Variants in ARMH4 observed in about 807,000 individuals in gnomAD.
ARMH4 encodes armadillo like helical domain containing 4.
In ARMH4, 49 loss-of-function variants were observed where a neutral mutation model predicts 61.9. The ratio of observed to expected loss-of-function variants is 0.79; its 90% CI spans 0.63 to 1.00. ARMH4 has a LOEUF of 1.00. ARMH4 is among the 50% of genes least tolerant of loss of function. The pLI is 0.00. For synonymous variants in ARMH4, 368 were observed against 341.5 expected, an observed-to-expected ratio of 1.08 and a Z score of -0.85; for missense variants, 934 against 930.0, an observed-to-expected ratio of 1.00 and a Z score of -0.06.
chr14:58,081,434 A>G (rs1176954750), intron 5 of ARMH4, among the ~76,000 whole-genome samples: 1 of 152,180 alleles, frequency 6.6e-6, no homozygotes, highest in African/African-American at 2.4e-5. Flanking sequence ...AGTTGAATAT[A>G]AACTTGTAAA....
At chr14:58,050,757 G>A (rs1403833562) in intron 5 of ARMH4, among the ~76,000 whole-genome samples, 2 of 151,704 alleles carry the variant, frequency 1.3e-5, no homozygotes, top group Non-Finnish European at 2.9e-5. Context: ...GCATTGTTGT[G>A]CAGCAACAAA....
intron 5 of ARMH4, among the ~76,000 whole-genome samples, chr14:58,061,286 C>G (rs1209202264): frequency 6.6e-6 from 1 of 152,174 alleles, no homozygotes; most frequent in African/African-American, 2.4e-5. Flanking sequence ...CTGGCCAGTC[C>G]TTCCTCCAAG....
rs147283266 is a variant in ARMH4 at position 58,046,391 on chromosome 14, T to C, written c.2090-34241A>G. ...CTGGCCTCAATATATTATATTTAAA[T>C]TGTACTTTTCTTCCAAGAACACTTA... On this transcript the variant is annotated intron_variant, in intron 5 of 7. Transcript: ENST00000267485. Among the ~76,000 whole-genome samples, 3 of 152,298 alleles carry C rather than the reference T, an allele frequency of 2.0e-5. No individual in the cohort carries two copies. The East Asian group carries it at 5.8e-4, about 29-fold the overall frequency.
chr14:58,029,959 T>C (rs1883168119), intron 5 of ARMH4, among the ~76,000 whole-genome samples: 2 of 152,152 alleles, frequency 1.3e-5, no homozygotes, highest in Non-Finnish European at 2.9e-5. Flanking sequence ...AACCCAAATG[T>C]CCATCAACTG....
chr14:58,133,023 T>C, intron 3 of ARMH4, 67 bp downstream of exon 3: 1 of 1,570,854 alleles, frequency 6.4e-7, no homozygotes. Context: ...TCACTCATTC[T>C]ATTCCTAGTC....
At chr14:58,078,389 C>G (rs7161692) in intron 5 of ARMH4, among the ~76,000 whole-genome samples, 66,667 of 152,088 alleles carry the variant, frequency 0.44, 14,888 homozygotes, top group Non-Finnish European at 0.47. Context: ...GTAACCTGTA[C>G]AATCATGTAC....
At chr14:58,018,586 C>T (rs988418368) in intron 5 of ARMH4, among the ~76,000 whole-genome samples, 8 of 151,980 alleles carry the variant, frequency 5.3e-5, no homozygotes, top group African/African-American at 1.9e-4. Flanking sequence ...GAATTCACAC[C>T]TATTAGAAAG....
chr14:58,051,824 G>A (rs1884151835), intron 5 of ARMH4, among the ~76,000 whole-genome samples: 1 of 152,134 alleles, frequency 6.6e-6, no homozygotes, highest in East Asian at 1.9e-4. Flanking sequence ...GGAAGAACAA[G>A]GTGACAGTGG....
intron 4 of ARMH4, among the ~76,000 whole-genome samples, chr14:58,110,888 A>C (rs1047262605): frequency 6.6e-6 from 1 of 151,646 alleles, no homozygotes; most frequent in African/African-American, 2.4e-5. Flanking sequence ...ACGCCCAGCT[A>C]ATTTTTTTTA....
intron 5 of ARMH4, among the ~76,000 whole-genome samples, chr14:58,019,023 A>G (rs1882717489): frequency 6.6e-6 from 1 of 151,128 alleles, no homozygotes; most frequent in Non-Finnish European, 1.5e-5. Flanking sequence ...CTAGGCACAG[A>G]AAGACAAATA....
At chr14:58,028,109 T>G (rs2141159188) in intron 5 of ARMH4, among the ~76,000 whole-genome samples, 1 of 152,334 alleles carries the variant, frequency 6.6e-6, no homozygotes, top group East Asian at 1.9e-4. Context: ...AACTTCCTCA[T>G]TCCTCAGTCA....
rs983945939 is a variant in ARMH4, at chr14:58,001,068, G to A, written c.*3668C>T. ...CACCATTTTGCCTCTGCCCTTATGAGTTTGATTATTTTGGATACCTCAAAG... is the reference window on the plus strand; with the variant it reads ...CACCATTTTGCCTCTGCCCTTATGAATTTGATTATTTTGGATACCTCAAAG... On this transcript the variant is annotated 3_prime_UTR_variant, in exon 8 of 8. Transcript: ENST00000267485. The A allele has an allele frequency of 2.6e-5, 4 of 152,136 alleles. No individual in the cohort carries two copies. The South Asian group carries it at 8.3e-4, about 31-fold the overall frequency. The allele number at this position is 152,136 out of a possible 1,614,324, so 9.4% of individuals were successfully genotyped here.
rs1258235509 is a variant in ARMH4, at chr14:58,096,917, T to C, written c.1896A>G (p.Glu632=). The C allele has an allele frequency of 1.9e-6, 3 of 1,614,088 alleles. No individual in the cohort carries two copies. Among genetic ancestry groups the C allele is most frequent in the African/African-American group, 1.3e-5 (1 of 75,022 alleles). Residue 632 remains glutamate (E), a synonymous_variant, in exon 5 of 8, where the codon GAA becomes GAG. Transcript: ENST00000267485. ...EDEDEEEEDE[E]EDEEDKDADS... ...CTGCATCTTTATCTTCCTCATCTTC[T>C]TCCTCATCTTCCTCTTCTTCATCTT...
chr14:58,018,890 A>T (rs1229818004), intron 5 of ARMH4, among the ~76,000 whole-genome samples: 1 of 107,970 alleles, frequency 9.3e-6, no homozygotes, highest in Non-Finnish European at 2.1e-5. Context: ...CACATGAATA[A>T]AGAAAATGTG....
intron 4 of ARMH4, among the ~76,000 whole-genome samples, chr14:58,105,829 T>C (rs1409290099): frequency 2.0e-5 from 3 of 152,094 alleles, no homozygotes; most frequent in South Asian, 2.1e-4. Context: ...TCTAAAAACA[T>C]TGCAATCCAG....
intron 5 of ARMH4, among the ~76,000 whole-genome samples, chr14:58,031,488 G>T (rs527499448): frequency 2.7e-4 from 41 of 152,260 alleles, no homozygotes; most frequent in African/African-American, 9.1e-4. Context: ...CATTAACACT[G>T]CAGCAAGTTA....
In ARMH4 at chr14:58,002,504, T is replaced by G. The variant is rs937971241; in HGVS notation, c.*2232A>C. 3 of 152,184 alleles carry G rather than the reference T, an allele frequency of 2.0e-5. No individual in the cohort carries two copies. The highest frequency in any genetic ancestry group is 4.4e-5 in the Non-Finnish European group (3 of 68,020). The allele number at this position is 152,184 out of a possible 1,614,324, so 9.4% of individuals were successfully genotyped here. Reference sequence around the variant, plus strand: ...ATTTGGGAATTTATTACACTACAGTTTGAAGATTCAACCTATTAGCCATGG... The same window carrying G: ...ATTTGGGAATTTATTACACTACAGTGTGAAGATTCAACCTATTAGCCATGG... On this transcript the variant is annotated 3_prime_UTR_variant, in exon 8 of 8. Transcript: ENST00000267485.
intron 5 of ARMH4, among the ~76,000 whole-genome samples, chr14:58,036,393 ACG>A (rs2141173961): frequency 1.6e-5 from 1 of 62,924 alleles, no homozygotes; most frequent in East Asian, 3.5e-4. Context: ...TATTGATGGG[ACG>A]TATTTCAAAA....
chr14:58,028,101 C>T (rs1294657167), intron 5 of ARMH4, among the ~76,000 whole-genome samples: 1 of 152,214 alleles, frequency 6.6e-6, no homozygotes, highest in Non-Finnish European at 1.5e-5. Flanking sequence ...CCAGTCTCAA[C>T]TTCCTCATTC....
Sources: gnomAD v4.1 joint callset for allele counts (sites outside exome capture counted in the v4.1 genomes callset) on GRCh38, gnomAD v4.1.1 for gene constraint, MANE v1.5 for transcripts, NCBI Gene and HGNC (gene_info 2026-07-23, HGNC 2026-07-21) for gene names.